Variants in DSCAM observed in about 807,000 individuals in gnomAD.
The protein encoded by DSCAM is DS cell adhesion molecule, also known as cell adhesion molecule DSCAM.
Under a neutral mutation model 217.7 loss-of-function variants are expected in DSCAM, and 47 were observed. The observed-to-expected ratio is 0.22, with a 90% CI of 0.17 to 0.28. DSCAM has a LOEUF of 0.28. Among genes scored for constraint, DSCAM ranks in the 10% least tolerant of loss-of-function variants. The probability of loss-of-function intolerance (pLI) is 1.00; values close to 1 mark genes in which losing one functional copy is unlikely to be tolerated. For missense variants in DSCAM, 2,080 were observed against 2,618.3 expected (o/e 0.79, Z 4.49); for synonymous variants, 1,056 against 1,015.3 (o/e 1.04, Z -0.76).
At chr21:40,322,320 C>T (rs1018786854) in intron 8 of DSCAM, among the ~76,000 whole-genome samples, 4 of 152,124 alleles carry the variant, frequency 2.6e-5, no homozygotes, top group Non-Finnish European at 4.4e-5. Context: ...TAACAGCAGA[C>T]GCACAAGTAT....
chr21:40,733,582 G>C (rs912210564), intron 1 of DSCAM, among the ~76,000 whole-genome samples: 1 of 152,176 alleles, frequency 6.6e-6, no homozygotes, highest in Admixed American at 6.5e-5. Flanking sequence ...GGCCGCTGCT[G>C]AGAAACCTTG....
At chr21:40,074,321 G>A (rs1300082649) in intron 27 of DSCAM, among the ~76,000 whole-genome samples, 2 of 152,066 alleles carry the variant, frequency 1.3e-5, no homozygotes, top group Non-Finnish European at 2.9e-5. Context: ...CACCCTCACT[G>A]GTAAAGGGCA....
At chr21:40,564,620 C>T (rs1194987498) in intron 3 of DSCAM, among the ~76,000 whole-genome samples, 2 of 152,144 alleles carry the variant, frequency 1.3e-5, no homozygotes, top group Non-Finnish European at 2.9e-5. Flanking sequence ...CACTTTGAGC[C>T]ACTTTGTTCC....
intron 11 of DSCAM, among the ~76,000 whole-genome samples, chr21:40,230,286 G>T (rs1265700551): frequency 6.6e-6 from 1 of 152,152 alleles, no homozygotes. Context: ...TTAAATGTTT[G>T]TTAGAATTAC....
chr21:40,370,169 T>C (rs921677545), intron 3 of DSCAM, among the ~76,000 whole-genome samples: 2 of 152,056 alleles, frequency 1.3e-5, no homozygotes, highest in Non-Finnish European at 2.9e-5. Context: ...ATAAAACAAG[T>C]TGGAGCATAA....
At chr21:40,570,816 A>G (rs771112301) in intron 3 of DSCAM, among the ~76,000 whole-genome samples, 6 of 152,222 alleles carry the variant, frequency 3.9e-5, no homozygotes, top group Non-Finnish European at 7.3e-5. Context: ...CCAATAGACA[A>G]TATCTAAAAT....
intron 8 of DSCAM, among the ~76,000 whole-genome samples, chr21:40,320,973 G>A (rs572427747): frequency 5.6e-4 from 85 of 152,338 alleles, no homozygotes; most frequent in African/African-American, 1.9e-3. Context: ...GTTTATGAGA[G>A]TTCATAGATC....
chr21:40,525,086 T>C (rs963905005), intron 3 of DSCAM, among the ~76,000 whole-genome samples: 1 of 151,582 alleles, frequency 6.6e-6, no homozygotes, highest in African/African-American at 2.4e-5. Context: ...TCCCATGACA[T>C]TTACACCAGT....
At chr21:40,843,075 A>G (rs1349773543) in intron 1 of DSCAM, among the ~76,000 whole-genome samples, 1 of 152,182 alleles carries the variant, frequency 6.6e-6, no homozygotes, top group African/African-American at 2.4e-5. Flanking sequence ...TCTTCCTTAC[A>G]TACATTTATG....
At chr21:40,448,700 TTAATG>T (rs2075695322) in intron 3 of DSCAM, among the ~76,000 whole-genome samples, 1 of 152,172 alleles carries the variant, frequency 6.6e-6, no homozygotes, top group Admixed American at 6.5e-5. Flanking sequence ...CTGGAGTACT[TTAATG>T]TATGCTGCAA....
Position 40,353,464 on chromosome 21 carries a change from C to T in DSCAM, c.934+1G>A. 1.9e-6 allele frequency: 3 copies of T among 1,599,396 alleles called. No individual in the cohort carries two copies. Among genetic ancestry groups the T allele is most frequent in the African/African-American group, 1.3e-5 (1 of 74,138 alleles). On this transcript the variant is annotated splice_donor_variant, in intron 5 of 32. Coordinates refer to ENST00000400454, the MANE Select transcript of DSCAM (RefSeq NM_001389.5). LOFTEE classifies it high-confidence loss of function. ...CCTTTGCAAGTTACCGTCCAACTTA[C>T]GTTTCACGTACAGGCGGCCTATCAC...
chr21:40,707,789 T>C (rs988843024), intron 2 of DSCAM, among the ~76,000 whole-genome samples: 4 of 152,194 alleles, frequency 2.6e-5, no homozygotes, highest in Non-Finnish European at 5.9e-5. Flanking sequence ...ACACAATCTG[T>C]CCTGTATATA....
intron 4 of DSCAM, among the ~76,000 whole-genome samples, chr21:40,358,191 G>A (rs1423750474): frequency 2.6e-5 from 4 of 152,132 alleles, no homozygotes; most frequent in Admixed American, 2.6e-4. Flanking sequence ...CTCAATGACT[G>A]CACTTAAAAA....
At chr21:40,400,300 CATT>C (rs761264403) in intron 3 of DSCAM, among the ~76,000 whole-genome samples, 45 of 152,072 alleles carry the variant, frequency 3.0e-4, no homozygotes, top group Non-Finnish European at 2.5e-4. Context: ...TTAATGAAAA[CATT>C]GTATTTTCCA....
At chr21:40,646,630 A>T (rs4818148) in intron 3 of DSCAM, among the ~76,000 whole-genome samples, 57,927 of 152,158 alleles carry the variant, frequency 0.38, 11,859 homozygotes, top group East Asian at 0.6. Context: ...AACATGAAGC[A>T]TGTAAAAGCG....
intron 32 of DSCAM, among the ~76,000 whole-genome samples, chr21:40,031,253 C>T (rs1040417974): frequency 6.6e-6 from 1 of 152,028 alleles, no homozygotes; most frequent in Non-Finnish European, 1.5e-5. Context: ...GGGGTAGAGG[C>T]CTCTTTGTCC....
chr21:40,712,320 G>C (rs71316171), intron 1 of DSCAM, among the ~76,000 whole-genome samples: 3 of 151,472 alleles, frequency 2.0e-5, no homozygotes, highest in Admixed American at 6.6e-5. Flanking sequence ...AAAATTAGCC[G>C]GGCACGGTGG....
intron 30 of DSCAM, among the ~76,000 whole-genome samples, chr21:40,047,568 A>T (rs1278045416): frequency 6.6e-6 from 1 of 152,178 alleles, no homozygotes; most frequent in Non-Finnish European, 1.5e-5. Context: ...TTGGGATGAG[A>T]GAGGATTTTG....
chr21:40,304,562 G>A (rs1023004347), intron 9 of DSCAM, among the ~76,000 whole-genome samples: 1 of 152,204 alleles, frequency 6.6e-6, no homozygotes, highest in South Asian at 2.1e-4. Context: ...GGCCTCTCTT[G>A]GCTTTCAAAT....
Sources: gnomAD v4.1 joint callset for allele counts (sites outside exome capture counted in the v4.1 genomes callset) on GRCh38, gnomAD v4.1.1 for gene constraint, MANE v1.5 for transcripts, NCBI Gene and HGNC (gene_info 2026-07-23, HGNC 2026-07-21) for gene names.